GNB4: variants seen among roughly 807,000 people sequenced by gnomAD.
The protein encoded by GNB4 is G protein subunit beta 4, also known as guanine nucleotide-binding protein subunit beta-4.
In GNB4, 28 loss-of-function variants were observed where a neutral mutation model predicts 45.2. The observed-to-expected ratio is 0.62, with a 90% CI of 0.46 to 0.85. GNB4 has a LOEUF of 0.85. Ranked by LOEUF, GNB4 falls within the 40% of genes least tolerant of loss-of-function variation. GNB4 has a pLI of 0.00. For missense variants in GNB4, 321 were observed against 425.4 expected (o/e 0.75, Z 2.16); for synonymous variants, 132 against 143.7 (o/e 0.92, Z 0.58).
At chr3:179,446,304 C>T (rs546460863) in intron 1 of GNB4, among the ~76,000 whole-genome samples, 7 of 152,230 alleles carry the variant, frequency 4.6e-5, no homozygotes, top group African/African-American at 1.4e-4. Context: ...GTACGTTAAC[C>T]GACACATGGT....
intron 2 of GNB4, among the ~76,000 whole-genome samples, chr3:179,422,823 T>C (rs1458073009): frequency 1.3e-5 from 2 of 152,056 alleles, no homozygotes; most frequent in African/African-American, 2.4e-5. Context: ...GACAGAGTCT[T>C]GCTCTGTCGC....
intron 1 of GNB4, 75 bp from the exon 2 acceptor site, chr3:179,426,317 T>C (rs1289047132): frequency 1.5e-6 from 1 of 688,418 alleles, no homozygotes. Context: ...AATACTGACA[T>C]ATAACTTCTT....
At chr3:179,410,558 A>G (rs923515771) in intron 8 of GNB4, 2 of 152,172 alleles carry the variant, frequency 1.3e-5, no homozygotes, top group Non-Finnish European at 2.9e-5. Flanking sequence ...GTCTCTTCAC[A>G]TCATCTTCCC....
At chr3:179,470,383 T>A in the GNB4 span, among the ~76,000 whole-genome samples, 2 of 151,768 alleles carry the variant, frequency 1.3e-5, no homozygotes, top group African/African-American at 4.8e-5. Flanking sequence ...AGGGAGACAG[T>A]GATATTGATG....
At chr3:179,514,936 C>T in the GNB4 span, among the ~76,000 whole-genome samples, 3 of 152,116 alleles carry the variant, frequency 2.0e-5, no homozygotes, top group Non-Finnish European at 4.4e-5. Flanking sequence ...TTAGAATGGC[C>T]ACATCTTAAA....
At chr3:179,476,248 A>C in the GNB4 span, among the ~76,000 whole-genome samples, 1 of 152,244 alleles carries the variant, frequency 6.6e-6, no homozygotes, top group South Asian at 2.1e-4. Context: ...TCCACAGAAA[A>C]TCTAAAACTT....
rs770732183 is a variant in GNB4 at position 179,399,717 on chromosome 3, G to T, written c.*1496C>A. 6.6e-6 allele frequency: 1 copy of T among 152,142 alleles called. No individual in the cohort carries two copies. The highest frequency in any genetic ancestry group is 2.4e-5 in the African/African-American group (1 of 41,428). The allele number at this position is 152,142 out of a possible 1,614,324, so 9.4% of individuals were successfully genotyped here. A position where few individuals can be genotyped will look rare whatever the true frequency, so the allele number is the denominator to read the frequency against. ...AAAAATTTAGAGGTAAAGTTTGGGA[G>T]TATTTAGGTTAAGTTACACATGTTC... On this transcript the variant is annotated 3_prime_UTR_variant, in exon 10 of 10. Coordinates refer to ENST00000232564, the MANE Select transcript of GNB4 (RefSeq NM_021629.4).
intron 1 of GNB4, among the ~76,000 whole-genome samples, chr3:179,438,088 A>G (rs1334579345): frequency 6.6e-6 from 1 of 152,062 alleles, no homozygotes; most frequent in Non-Finnish European, 1.5e-5. Flanking sequence ...AAAGAAAAAG[A>G]AAAGGCAGGA....
chr3:179,446,195 A>G (rs1174260160), intron 1 of GNB4, among the ~76,000 whole-genome samples: 1 of 152,228 alleles, frequency 6.6e-6, no homozygotes, highest in Middle Eastern at 3.2e-3. Context: ...TGTACCATCC[A>G]CACGACCTTG....
the GNB4 span, among the ~76,000 whole-genome samples, chr3:179,520,036 G>C: frequency 4.0e-5 from 6 of 151,866 alleles, no homozygotes; most frequent in Non-Finnish European, 8.8e-5. Context: ...TATCCACCCC[G>C]TGGTGGCACA....
the GNB4 span, among the ~76,000 whole-genome samples, chr3:179,484,834 A>ATATG: frequency 2.4e-5 from 2 of 82,010 alleles, no homozygotes; most frequent in African/African-American, 9.3e-5. Flanking sequence ...ATAGCTATAT[A>ATATG]TATGTGTGTG....
At chr3:179,493,054 A>G in the GNB4 span, among the ~76,000 whole-genome samples, 1 of 152,232 alleles carries the variant, frequency 6.6e-6, no homozygotes, top group African/African-American at 2.4e-5. Context: ...TGATGCTCTC[A>G]CATTCACCCA....
chr3:179,481,124 T>C, the GNB4 span, among the ~76,000 whole-genome samples: 178 of 152,270 alleles, frequency 1.2e-3, no homozygotes, highest in Non-Finnish European at 1.9e-3. Context: ...GTGCTGGGAT[T>C]ACAGGCGTGA....
chr3:179,479,855 A>G, the GNB4 span, among the ~76,000 whole-genome samples: 3 of 152,260 alleles, frequency 2.0e-5, no homozygotes, highest in African/African-American at 7.2e-5. Flanking sequence ...AGGTCATAGA[A>G]TTACAGAACT....
At chr3:179,498,591 T>C in the GNB4 span, among the ~76,000 whole-genome samples, 1 of 152,036 alleles carries the variant, frequency 6.6e-6, no homozygotes, top group African/African-American at 2.4e-5. Context: ...TGCGCCACCA[T>C]GCCCAGCTAA....
intron 1 of GNB4, among the ~76,000 whole-genome samples, chr3:179,434,681 C>G (rs1197762337): frequency 2.6e-5 from 4 of 151,488 alleles, no homozygotes; most frequent in Non-Finnish European, 2.9e-5. Flanking sequence ...AGATCACACC[C>G]CTCCACTCCA....
the GNB4 span, among the ~76,000 whole-genome samples, chr3:179,467,517 C>T: frequency 5.3e-5 from 8 of 152,112 alleles, no homozygotes; most frequent in African/African-American, 1.9e-4. Flanking sequence ...ATTACCTGTC[C>T]TGGTACTCAA....
Position 179,398,724 on chromosome 3 carries a change from T to C in GNB4, c.*2489A>G, listed in dbSNP as rs1714194797. 1 of 151,994 alleles carries C rather than the reference T, an allele frequency of 6.6e-6. No homozygotes were observed. The highest frequency in any genetic ancestry group is 2.4e-5 in the African/African-American group (1 of 41,286). 9.4% of individuals were successfully genotyped at this position (151,994 alleles called of 1,614,324 possible). On this transcript the variant is annotated 3_prime_UTR_variant, in exon 10 of 10. Transcript: ENST00000232564. ...CTTAAACTGTAAGTAAACAAATATA[T>C]TTAGCAACTGGAGCCCCTATTATTA...
Position 179,401,334 on chromosome 3 carries a change from C to G in GNB4, c.917-15G>C. The stretch of plus-strand genomic sequence containing the variant: ...AGCAAGGACACCTGAAAAAAAAATT[C>G]AGTAAAAAATTGGCAATTGTAGGGT... On this transcript the variant is annotated splice_polypyrimidine_tract_variant and intron_variant, in intron 9 of 9. Transcript: ENST00000232564. 6.3e-7 allele frequency: 1 copy of G among 1,591,696 alleles called. No individual in the cohort carries two copies. Among genetic ancestry groups the G allele is most frequent in the Non-Finnish European group, 8.6e-7 (1 of 1,164,720 alleles).
Sources: allele counts gnomAD v4.1 joint callset (sites outside exome capture counted in the v4.1 genomes callset), GRCh38; gene constraint gnomAD v4.1.1; transcripts MANE v1.5; gene names NCBI Gene and HGNC (gene_info 2026-07-23, HGNC 2026-07-21).